PTPRZ1: variants seen among roughly 807,000 people sequenced by gnomAD.
PTPRZ1 encodes the protein protein tyrosine phosphatase receptor type Z1, also known as receptor-type tyrosine-protein phosphatase zeta.
In PTPRZ1, 82 loss-of-function variants were observed where a neutral mutation model predicts 214.1. That is an observed-to-expected ratio of 0.38 (90% CI 0.32 to 0.46). The LOEUF is 0.46. PTPRZ1 is among the 20% of genes least tolerant of loss of function. The pLI is 1.00. For synonymous variants in PTPRZ1, 945 were observed against 987.9 expected (o/e 0.96, Z 0.81); for missense variants, 2,603 against 2,748.7 (o/e 0.95, Z 1.19).
intron 1 of PTPRZ1, among the ~76,000 whole-genome samples, chr7:121,902,187 T>C (rs1206643854): frequency 1.3e-5 from 2 of 152,188 alleles, no homozygotes; most frequent in Non-Finnish European, 2.9e-5. Context: ...TCACAGTATT[T>C]CATTCTTTTA....
chr7:122,028,249 G>T (rs1427056310), intron 13 of PTPRZ1: 5 of 219,064 alleles, frequency 2.3e-5, no homozygotes, highest in Non-Finnish European at 4.5e-5. Flanking sequence ...AGGGCATTGA[G>T]GTTTCCTATA....
chr7:121,959,388 A>T (rs1796809265), intron 2 of PTPRZ1, among the ~76,000 whole-genome samples: 1 of 152,180 alleles, frequency 6.6e-6, no homozygotes, highest in African/African-American at 2.4e-5. Context: ...TAGCAGCTAT[A>T]ATCAACGTTG....
In PTPRZ1 at chr7:122,059,570, G is replaced by A. The variant is rs549105149; in HGVS notation, c.6672-183G>A. ...TAAAGTATTCCACTATTGATATCATGAACACTTGGCAATATTTCAGATTAA... is the reference window on the plus strand; with the variant it reads ...TAAAGTATTCCACTATTGATATCATAAACACTTGGCAATATTTCAGATTAA... On this transcript the variant is annotated intron_variant, in intron 28 of 29. Coordinates refer to ENST00000393386, the MANE Select transcript of PTPRZ1 (RefSeq NM_002851.3). The A allele has an allele frequency of 3.4e-5, 22 of 650,434 alleles. No individual in the cohort carries two copies. In the African/African-American group the frequency reaches 4.0e-4, roughly 12 times the overall value. The allele number at this position is 650,434 out of a possible 1,614,324, so 40.3% of individuals were successfully genotyped here.
chr7:121,964,758 G>A (rs1725058), intron 2 of PTPRZ1, among the ~76,000 whole-genome samples: 30,226 of 152,144 alleles, frequency 0.2, 3,129 homozygotes, highest in Admixed American at 0.24. Flanking sequence ...CTCTCCTGTA[G>A]ATGCTTTTGA....
intron 1 of PTPRZ1, among the ~76,000 whole-genome samples, chr7:121,905,088 C>T (rs1447005677): frequency 2.0e-5 from 3 of 152,142 alleles, no homozygotes; most frequent in Non-Finnish European, 2.9e-5. Flanking sequence ...TTTGAACCTT[C>T]GTATATGCTT....
chr7:122,045,753 T>C (rs1799876943), intron 23 of PTPRZ1, among the ~76,000 whole-genome samples: 1 of 151,534 alleles, frequency 6.6e-6, no homozygotes, highest in Admixed American at 6.6e-5. Context: ...TTAAATATGA[T>C]TTGCCCCTGT....
chr7:122,034,839 A>T (rs1799488686), intron 17 of PTPRZ1, among the ~76,000 whole-genome samples: 1 of 151,372 alleles, frequency 6.6e-6, no homozygotes, highest in Non-Finnish European at 1.5e-5. Flanking sequence ...AATTAGTTGG[A>T]TTCTTTCTTT....
At chr7:121,933,353 A>G (rs1795979803) in intron 2 of PTPRZ1, among the ~76,000 whole-genome samples, 1 of 152,112 alleles carries the variant, frequency 6.6e-6, no homozygotes, top group South Asian at 2.1e-4. Flanking sequence ...CGACAGAAAT[A>G]TAATCTTTAT....
chr7:121,949,650 G>A (rs187168333), intron 2 of PTPRZ1, among the ~76,000 whole-genome samples: 7 of 152,254 alleles, frequency 4.6e-5, no homozygotes, highest in Non-Finnish European at 7.4e-5. Flanking sequence ...CTACAAGGTG[G>A]TCAGAGCACA....
At chr7:121,896,911 A>G (rs1794802149) in intron 1 of PTPRZ1, among the ~76,000 whole-genome samples, 1 of 151,964 alleles carries the variant, frequency 6.6e-6, no homozygotes, top group Non-Finnish European at 1.5e-5. Context: ...GGGGTGAGAT[A>G]TTTTTCATTG....
rs565430095 is a variant in PTPRZ1 at position 122,024,169 on chromosome 7, G to A, written c.4989-4383G>A. On this transcript the variant is annotated intron_variant, in intron 13 of 29. Transcript: ENST00000393386. The stretch of plus-strand genomic sequence containing the variant: ...TGAAATCATTTTCCAGATGTTTTAT[G>A]GTATAATTTACATGGGCCATACCAT... Among the ~76,000 whole-genome samples the A allele has an allele frequency of 2.0e-5, 3 of 151,410 alleles. No homozygotes were observed. In the East Asian group the frequency reaches 5.8e-4, roughly 29 times the overall value.
chr7:122,035,593 A>G (rs1403368701), intron 17 of PTPRZ1, among the ~76,000 whole-genome samples: 1 of 152,214 alleles, frequency 6.6e-6, no homozygotes, highest in African/African-American at 2.4e-5. Context: ...AACAATCCAG[A>G]AATTCTAAAA....
rs780592695 is a variant in PTPRZ1 at position 121,924,676 on chromosome 7, T to C, written c.59-3480T>C. ...AGGAATCATTAAAACAAGAGCTTAC[T>C]TTTTTATTTATTTCAATAAAATGCT... On this transcript the variant is annotated intron_variant, in intron 1 of 29. Coordinates refer to ENST00000393386, the MANE Select transcript of PTPRZ1 (RefSeq NM_002851.3). Among the ~76,000 whole-genome samples the C allele has an allele frequency of 2.6e-4, 40 of 152,330 alleles. 1 individual carries two copies. The highest frequency in any genetic ancestry group is 5.4e-4 in the Non-Finnish European group (37 of 68,022).
At chr7:122,056,948 T>G (rs1204964508) in intron 27 of PTPRZ1, among the ~76,000 whole-genome samples, 1 of 151,998 alleles carries the variant, frequency 6.6e-6, no homozygotes, top group South Asian at 2.1e-4. Context: ...ATCTATGTAT[T>G]TGGGTATAGT....
chr7:122,044,732 A>G (rs969899393), intron 23 of PTPRZ1, among the ~76,000 whole-genome samples, 164 bp downstream of exon 23: 4 of 152,144 alleles, frequency 2.6e-5, no homozygotes, highest in Non-Finnish European at 5.9e-5. Flanking sequence ...CACATGGTAA[A>G]TTTCAAGGAG....
intron 1 of PTPRZ1, among the ~76,000 whole-genome samples, chr7:121,893,116 T>A (rs911628651): frequency 2.6e-5 from 4 of 151,974 alleles, no homozygotes. Flanking sequence ...GTGTACATTT[T>A]TAACAATGAT....
chr7:121,982,785 T>A (rs564310478), intron 6 of PTPRZ1, among the ~76,000 whole-genome samples: 1 of 152,208 alleles, frequency 6.6e-6, no homozygotes, highest in African/African-American at 2.4e-5. Flanking sequence ...TTCTTTCTTT[T>A]TTTTTTGAGA....
Position 122,042,763 on chromosome 7 carries a change from G to A in PTPRZ1, c.5937+20G>A, listed in dbSNP as rs750574613. 58 of 1,599,316 alleles carry A rather than the reference G, an allele frequency of 3.6e-5. No homozygotes were observed. The highest frequency in any genetic ancestry group is 4.5e-5 in the Non-Finnish European group (53 of 1,167,380). On this transcript the variant is annotated intron_variant, in intron 22 of 29. Transcript: ENST00000393386. The stretch of plus-strand genomic sequence containing the variant: ...ACTGAGGTATGATTTTTAAAAAGAT[G>A]ATTTTATTCATCTAAGGTATGGAAA...
chr7:121,984,098 G>A lies in PTPRZ1; in HGVS notation c.909G>A (p.Lys303=), dbSNP rs753851035. 3.3e-5 allele frequency: 54 copies of A among 1,612,732 alleles called. No homozygotes were observed. The highest frequency in any genetic ancestry group is 2.5e-6 in the Non-Finnish European group (3 of 1,179,376). Reference sequence around the variant, plus strand: ...AGGTGTTTTCCTCATACACTGGAAAGGAAGAGATTCATGAAGCAGGTATGT... The same window carrying A: ...AGGTGTTTTCCTCATACACTGGAAAAGAAGAGATTCATGAAGCAGGTATGT... ...SRQVFSSYTG[K]EEIHEAVCSS... is the part of the protein sequence containing the mutation. Residue 303 remains lysine, a synonymous_variant, in exon 8 of 30, where the codon AAG becomes AAA. Coordinates refer to ENST00000393386, the MANE Select transcript of PTPRZ1 (RefSeq NM_002851.3).
Sources: gnomAD v4.1 joint callset for allele counts (sites outside exome capture counted in the v4.1 genomes callset) on GRCh38, gnomAD v4.1.1 for gene constraint, MANE v1.5 for transcripts, NCBI Gene and HGNC (gene_info 2026-07-23, HGNC 2026-07-21) for gene names.